Variants in RGS12 observed in about 807,000 individuals in gnomAD.
The protein encoded by RGS12 is regulator of G-protein signaling 12.
In RGS12, 66 loss-of-function variants were observed where a neutral mutation model predicts 120.1. The ratio of observed to expected loss-of-function variants is 0.55; its 90% CI spans 0.45 to 0.67. RGS12 has a LOEUF of 0.67. Among genes scored for constraint, RGS12 ranks in the 30% least tolerant of loss-of-function variants. The pLI, the probability that RGS12 is intolerant of heterozygous loss-of-function variation, is 0.00. For synonymous variants in RGS12, 827 were observed against 804.7 expected, an observed-to-expected ratio of 1.03 and a Z score of -0.47; for missense variants, 1,859 against 1,957.7, an observed-to-expected ratio of 0.95 and a Z score of 0.95.
At chr4:3,310,062 G>A (rs1438186447) in intron 1 of RGS12, among the ~76,000 whole-genome samples, 64 of 146,954 alleles carry the variant, frequency 4.4e-4, no homozygotes, top group Admixed American at 3.5e-3. Flanking sequence ...GAGGGGAACC[G>A]TGTGGGGGAG....
chr4:3,387,629 G>C (rs1372776290), intron 4 of RGS12, among the ~76,000 whole-genome samples: 1 of 152,224 alleles, frequency 6.6e-6, no homozygotes, highest in Non-Finnish European at 1.5e-5. Context: ...TGAAAATCAT[G>C]TCATTTAATC....
chr4:3,419,930 A>T (rs1722823059), intron 9 of RGS12, among the ~76,000 whole-genome samples: 1 of 152,308 alleles, frequency 6.6e-6, no homozygotes, highest in African/African-American at 2.4e-5. Context: ...TTCCTGTGGA[A>T]GGTGGCTGCA....
intron 1 of RGS12, among the ~76,000 whole-genome samples, chr4:3,296,437 G>A (rs576360228): frequency 2.0e-5 from 3 of 151,878 alleles, no homozygotes; most frequent in Non-Finnish European, 4.4e-5. Flanking sequence ...TGATCCTCCT[G>A]CCTTAGCTTC....
At chr4:3,312,252 A>C (rs980914607) in intron 1 of RGS12, among the ~76,000 whole-genome samples, 3 of 152,228 alleles carry the variant, frequency 2.0e-5, no homozygotes, top group Non-Finnish European at 4.4e-5. Context: ...AAAAAAAATT[A>C]AACTATAAGC....
intron 6 of RGS12, among the ~76,000 whole-genome samples, 172 bp downstream of exon 6, chr4:3,415,016 TGA>T (rs1417560280): frequency 7.8e-5 from 9 of 116,112 alleles, no homozygotes; most frequent in Non-Finnish European, 1.1e-4. Context: ...GGGGCGTGTG[TGA>T]GAGGGGCGTG....
rs528891583 is a variant in RGS12, at chr4:3,376,932, A to G, written c.1999-9484A>G. ...TGCTGTGCTCTTCTGCATTTAGTCC[A>G]GCAAGAGATTGCCTTGAAATATGAA... On this transcript the variant is annotated intron_variant, in intron 3 of 17. Coordinates refer to ENST00000336727, the MANE Select transcript of RGS12 (RefSeq NM_001394154.1). Among the ~76,000 whole-genome samples the G allele has an allele frequency of 1.3e-4, 20 of 152,280 alleles. No homozygotes were observed. In the South Asian group the frequency reaches 3.7e-3, roughly 28 times the overall value.
chr4:3,323,805 C>T (rs924772117), intron 2 of RGS12, among the ~76,000 whole-genome samples: 2 of 151,082 alleles, frequency 1.3e-5, no homozygotes, highest in African/African-American at 2.4e-5. Flanking sequence ...TAAAGTTTGC[C>T]AAATTGCTCA....
chr4:3,347,750 TA>T (rs1223170033), intron 3 of RGS12, among the ~76,000 whole-genome samples: 1 of 152,106 alleles, frequency 6.6e-6, no homozygotes, highest in Non-Finnish European at 1.5e-5. Context: ...ATCAAAACAA[TA>T]ACAATGGATA....
chr4:3,437,225 T>C (rs1424126285), intron 17 of RGS12, among the ~76,000 whole-genome samples: 1 of 152,164 alleles, frequency 6.6e-6, no homozygotes, highest in Non-Finnish European at 1.5e-5. Flanking sequence ...AGGGCCTGGC[T>C]GTGGCCCCCT....
At chr4:3,431,039 G>T (rs757437548) in intron 17 of RGS12, 84 bp downstream of exon 17, 2 of 1,521,068 alleles carry the variant, frequency 1.3e-6, no homozygotes, top group East Asian at 2.4e-5. Context: ...GTGGGCCCCC[G>T]GCTGCCACTG....
intron 3 of RGS12, among the ~76,000 whole-genome samples, chr4:3,353,101 T>C (rs1195517355): frequency 6.6e-6 from 1 of 152,228 alleles, no homozygotes. Flanking sequence ...TTCTTGCTCA[T>C]CTGCTCCAGT....
rs1412887964 is a variant in RGS12 at position 3,316,325 on chromosome 4, C to G, written c.155C>G (p.Pro52Arg). The G allele has an allele frequency of 1.2e-6, 2 of 1,614,160 alleles. No individual in the cohort carries two copies. The highest frequency in any genetic ancestry group is 1.7e-6 in the Non-Finnish European group (2 of 1,180,034). ...CTCAGCTGCGTCATGAGAGGGAGCC[C>G]TGCGGATTTCGTGGGCCTCCGAGCT... The part of the protein sequence containing the change: ...CVLSCVMRGS[P>R]ADFVGLRAGD... Residue 52 changes from proline (P) to arginine (R), a missense_variant, in exon 2 of 18, where the codon CCT (proline) becomes CGT (arginine). Physicochemically the swap from Pro to Arg is moderately radical, Grantham distance 103. Coordinates refer to ENST00000336727, the MANE Select transcript of RGS12 (RefSeq NM_001394154.1).
chr4:3,420,036 G>A (rs548178063), intron 9 of RGS12, among the ~76,000 whole-genome samples: 1 of 152,304 alleles, frequency 6.6e-6, no homozygotes, highest in African/African-American at 2.4e-5. Context: ...GGTGCTGTTT[G>A]AAAAGTCCTG....
At chr4:3,404,807 C>T (rs1337770048) in intron 4 of RGS12, among the ~76,000 whole-genome samples, 1 of 152,254 alleles carries the variant, frequency 6.6e-6, no homozygotes, top group East Asian at 1.9e-4. Flanking sequence ...ATTTTGGTGT[C>T]TATACCTCTT....
rs757829960 is a variant in RGS12, at chr4:3,317,142, C to A, written c.972C>A (p.Ser324Arg). 2.2e-5 allele frequency: 36 copies of A among 1,613,876 alleles called. No individual in the cohort carries two copies. The highest frequency in any genetic ancestry group is 8.5e-7 in the Non-Finnish European group (1 of 1,180,040). Residue 324 changes from serine to arginine, a missense_variant, in exon 2 of 18, where the codon AGC (serine) becomes AGA (arginine). Transcript: ENST00000336727. Reference sequence around the variant, plus strand: ...CCATGCAGACGAATGACGACGGGAGCCTGGCCCAGGAGGAGGAGGGCGCCC... The same window carrying A: ...CCATGCAGACGAATGACGACGGGAGACTGGCCCAGGAGGAGGAGGGCGCCC... Reference protein sequence around the residue: ...LVTMQTNDDGSLAQEEEGALR... With the variant: ...LVTMQTNDDGRLAQEEEGALR...
intron 9 of RGS12, 186 bp downstream of exon 9, chr4:3,417,727 C>T (rs931234063): frequency 1.8e-5 from 11 of 622,974 alleles, no homozygotes; most frequent in Non-Finnish European, 3.0e-5. Context: ...ACCTGTCAGC[C>T]AGCCAGAGGG....
In RGS12 at chr4:3,313,313, C is replaced by T. The variant is rs546508302; in HGVS notation, c.-101-2757C>T. On this transcript the variant is annotated intron_variant, in intron 1 of 17. Coordinates refer to ENST00000336727, the MANE Select transcript of RGS12 (RefSeq NM_001394154.1). ...GAAAGCCGAGAGGTGTTCTGTTCCC[C>T]GAGGAAGCCATCAAGGCTTCATGAC... Among the ~76,000 whole-genome samples, 244 of 152,266 alleles carry T rather than the reference C, an allele frequency of 1.6e-3. 3 individuals carry two copies. Among genetic ancestry groups the T allele is most frequent in the African/African-American group, 5.7e-3 (238 of 41,536 alleles).
intron 4 of RGS12, among the ~76,000 whole-genome samples, chr4:3,388,762 G>GT (rs1344407079): frequency 2.6e-5 from 4 of 152,248 alleles, no homozygotes; most frequent in Non-Finnish European, 4.4e-5. Flanking sequence ...CGGGGTCGGG[G>GT]TGGGGGGGTG....
At chr4:3,379,322 G>A (rs529111357) in intron 3 of RGS12, among the ~76,000 whole-genome samples, 70 of 152,216 alleles carry the variant, frequency 4.6e-4, no homozygotes, top group African/African-American at 1.6e-3. Flanking sequence ...TGCATTTATT[G>A]TATGCTTGAA....
Sources: allele counts gnomAD v4.1 joint callset (sites outside exome capture counted in the v4.1 genomes callset), GRCh38; gene constraint gnomAD v4.1.1; transcripts MANE v1.5; gene names NCBI Gene and HGNC (gene_info 2026-07-23, HGNC 2026-07-21).